TTPAL: variants seen among roughly 807,000 people sequenced by gnomAD.
TTPAL encodes alpha-tocopherol transfer protein-like.
A neutral mutation model predicts 28.7 loss-of-function variants in TTPAL; 21 were observed. That is an observed-to-expected ratio of 0.73 (90% CI 0.52 to 1.06). The LOEUF (loss-of-function observed/expected upper bound fraction) is 1.06, where lower values mean the gene tolerates loss of function less well. Ranked by LOEUF, TTPAL falls within the 50% of genes least tolerant of loss-of-function variation. The probability of loss-of-function intolerance (pLI) is 0.00; values close to 1 mark genes in which losing one functional copy is unlikely to be tolerated. For synonymous variants in TTPAL, 169 were observed against 171.9 expected, an observed-to-expected ratio of 0.98 and a Z score of 0.13; for missense variants, 345 against 425.5, an observed-to-expected ratio of 0.81 and a Z score of 1.67.
rs749860840 is a variant in TTPAL, at chr20:44,491,075, C to CAAAAAAA, written c.*1552_*1558dup. 1.8e-4 allele frequency: 10 copies of CAAAAAAA among 56,008 alleles called. No homozygotes were observed. Among genetic ancestry groups the CAAAAAAA allele is most frequent in the Non-Finnish European group, 3.4e-4 (10 of 29,512 alleles). The allele number at this position is 56,008 out of a possible 1,614,324, so 3.5% of individuals were successfully genotyped here. On this transcript the variant is annotated 3_prime_UTR_variant, in exon 5 of 5. Coordinates refer to ENST00000262605, the MANE Select transcript of TTPAL (RefSeq NM_001039199.3). ...TGGGCGACAGAGCAAGACTCTGCCT[C>CAAAAAAA]AAAAAAAAAAAAAAAAAAAAAAAAT...
At chr20:44,477,370 G>C (rs1044016531) in intron 1 of TTPAL, among the ~76,000 whole-genome samples, 2 of 152,168 alleles carry the variant, frequency 1.3e-5, no homozygotes, top group African/African-American at 4.8e-5. Context: ...CACCATGTTA[G>C]GCGCTGGGTT....
In TTPAL at chr20:44,489,267, T is replaced by C; in HGVS notation, c.755T>C (p.Phe252Ser). ...FLKEKIANRF[F>S]LHGSDLNSLH... ...TTTCATTTCATTCCCTTTTAGTTCT[T>C]CCTCCATGGGTCTGACTTGAACTCT... The change falls in exon 5 of 5, where the codon TTC (phenylalanine) becomes TCC (serine). Residue 252 changes from phenylalanine to serine, a missense_variant. Coordinates refer to ENST00000262605, the MANE Select transcript of TTPAL (RefSeq NM_001039199.3). 6.2e-7 allele frequency: 1 copy of C among 1,611,504 alleles called. No homozygotes were observed. Among genetic ancestry groups the C allele is most frequent in the Non-Finnish European group, 8.5e-7 (1 of 1,177,832 alleles).
intron 1 of TTPAL, among the ~76,000 whole-genome samples, chr20:44,476,464 C>T (rs1378418949): frequency 6.6e-6 from 1 of 152,198 alleles, no homozygotes; most frequent in Non-Finnish European, 1.5e-5. Flanking sequence ...CCTTGCTCTG[C>T]CTCACCGGGT....
At chr20:44,481,282 T>A (rs1039245145) in intron 2 of TTPAL, among the ~76,000 whole-genome samples, 1 of 152,186 alleles carries the variant, frequency 6.6e-6, no homozygotes, top group Admixed American at 6.5e-5. Context: ...CAGCAGCTCA[T>A]ACCTGTAATC....
intron 4 of TTPAL, among the ~76,000 whole-genome samples, chr20:44,487,555 T>C (rs754743734): frequency 6.6e-6 from 1 of 152,186 alleles, no homozygotes; most frequent in Admixed American, 6.5e-5. Context: ...ACTGTACAGT[T>C]TGTGGAGCAA....
chr20:44,477,399 A>C (rs2064054015), intron 1 of TTPAL, among the ~76,000 whole-genome samples: 1 of 152,194 alleles, frequency 6.6e-6, no homozygotes, highest in African/African-American at 2.4e-5. Context: ...TGAACAAGAC[A>C]AACTTGGATG....
At chr20:44,482,094 G>A (rs8124002) in intron 2 of TTPAL, among the ~76,000 whole-genome samples, 10,982 of 152,144 alleles carry the variant, frequency 0.072, 424 homozygotes, top group South Asian at 0.14. Flanking sequence ...ACACAGAAAG[G>A]TTTCTTCTCA....
chr20:44,487,957 T>G (rs575320671), intron 4 of TTPAL, among the ~76,000 whole-genome samples: 2 of 152,262 alleles, frequency 1.3e-5, no homozygotes, highest in Non-Finnish European at 2.9e-5. Context: ...TTAGTAGAGA[T>G]AGGCTTTTAC....
intron 1 of TTPAL, among the ~76,000 whole-genome samples, chr20:44,478,116 C>A (rs1055922270): frequency 2.6e-5 from 4 of 152,198 alleles, no homozygotes; most frequent in African/African-American, 9.6e-5. Context: ...AAGACCCTGT[C>A]TCTCTCTTAA....
intron 3 of TTPAL, 110 bp downstream of exon 3, chr20:44,484,640 C>A: frequency 1.3e-6 from 1 of 756,248 alleles, no homozygotes; most frequent in Non-Finnish European, 2.1e-6. Flanking sequence ...CCCACACCTG[C>A]AATCTGAAAA....
chr20:44,493,953 G>C lies in TTPAL; in HGVS notation c.*4412G>C, dbSNP rs553487812. ...CTTGGGAGGCTGAGGCAGGAGAATC[G>C]CTTGAACCTGGGAGGCAGCGGTTGC... On this transcript the variant is annotated 3_prime_UTR_variant, in exon 5 of 5. Coordinates refer to ENST00000262605, the MANE Select transcript of TTPAL (RefSeq NM_001039199.3). The C allele has an allele frequency of 6.6e-6, 1 of 152,426 alleles. No homozygotes were observed. The highest frequency in any genetic ancestry group is 1.5e-5 in the Non-Finnish European group (1 of 68,268). 9.4% of individuals were successfully genotyped at this position (152,426 alleles called of 1,614,324 possible). A position where few individuals can be genotyped will look rare whatever the true frequency, so the allele number is the denominator to read the frequency against.
chr20:44,483,703 G>A lies in TTPAL; in HGVS notation c.446-634G>A, dbSNP rs73613501. On this transcript the variant is annotated intron_variant, in intron 2 of 4. Coordinates refer to ENST00000262605, the MANE Select transcript of TTPAL (RefSeq NM_001039199.3). ...CATTATCACCCTATTCTACTTATGA[G>A]GACATCGGGGCTCAGAGTGAGGTAT... is the stretch of plus-strand genomic sequence containing the variant. 7.1e-3 allele frequency among the ~76,000 whole-genome samples: 1,085 copies of A among 152,300 alleles called. 10 individuals carry two copies. The highest frequency in any genetic ancestry group is 0.062 in the East Asian group (323 of 5,182).
In TTPAL at chr20:44,489,428, C is replaced by T; in HGVS notation, c.916C>T (p.Pro306Ser). 1.9e-6 allele frequency: 3 copies of T among 1,614,162 alleles called. No homozygotes were observed. The highest frequency in any genetic ancestry group is 2.2e-5 in the South Asian group (2 of 91,072). Residue 306 changes from proline (P) to serine (S), a missense_variant, in exon 5 of 5, where the codon CCT becomes TCT. Pro to Ser is a moderately conservative substitution (Grantham distance 74, BLOSUM62 -1). Coordinates refer to ENST00000262605, the MANE Select transcript of TTPAL (RefSeq NM_001039199.3). Reference sequence around the variant, plus strand: ...TGTGAAAGAGTTCTGCCAACCTGTTCCTGCCTGTGACAGCATCCTGGGCCA... The same window carrying T: ...TGTGAAAGAGTTCTGCCAACCTGTTTCTGCCTGTGACAGCATCCTGGGCCA... ...DFVKEFCQPV[P>S]ACDSILGQTL...
chr20:44,477,805 C>A (rs1027420388), intron 1 of TTPAL, among the ~76,000 whole-genome samples: 1 of 152,104 alleles, frequency 6.6e-6, no homozygotes, highest in African/African-American at 2.4e-5. Flanking sequence ...CAGGCCCGCA[C>A]CACCATGCCT....
rs1185728128 is a variant in TTPAL, at chr20:44,480,490, C to T, written c.445+46C>T. On this transcript the variant is annotated intron_variant, in intron 2 of 4. Coordinates refer to ENST00000262605, the MANE Select transcript of TTPAL (RefSeq NM_001039199.3). This position sits in a 1 kb window ranked among gnomAD's most constrained non-coding sequence, Gnocchi z 4.1. ...GGGGTGTGTGTGTCCAGTCCTTCTG[C>T]AGTGTGTCCATTCAGCACCCTGTCC... 1 of 1,511,940 alleles carries T rather than the reference C, an allele frequency of 6.6e-7. No individual in the cohort carries two copies. Among genetic ancestry groups the T allele is most frequent in the Non-Finnish European group, 8.9e-7 (1 of 1,124,586 alleles). The allele number at this position is 1,511,940 out of a possible 1,614,324, so 93.7% of individuals were successfully genotyped here.
At chr20:44,479,939 TG>T in intron 1 of TTPAL, 45 bp from the exon 2 acceptor site, 1 of 1,520,418 alleles carries the variant, frequency 6.6e-7, no homozygotes, top group Non-Finnish European at 9.0e-7. Flanking sequence ...CCCTAGGATT[TG>T]AAATAAGCAC....
chr20:44,487,259 G>C (rs2064160323), intron 4 of TTPAL, among the ~76,000 whole-genome samples: 2 of 150,406 alleles, frequency 1.3e-5, no homozygotes, highest in Admixed American at 6.6e-5. Context: ...TCCAGCTTGG[G>C]CAACAGTGAG....
In TTPAL at chr20:44,486,794, TG is replaced by T. The variant is rs1294392762; in HGVS notation, c.750+90del. On this transcript the variant is annotated intron_variant, in intron 4 of 4. Coordinates refer to ENST00000262605, the MANE Select transcript of TTPAL (RefSeq NM_001039199.3). The stretch of plus-strand genomic sequence containing the variant: ...TGGTACTTGTTTATTATTTTTGCCC[TG>T]GAACAACTAATTTGGAAAAGTACAG... 8.2e-6 allele frequency: 6 copies of T among 736,178 alleles called. No individual in the cohort carries two copies. In the East Asian group the frequency reaches 1.4e-4, roughly 17 times the overall value. 45.6% of individuals were successfully genotyped at this position (736,178 alleles called of 1,614,324 possible).
rs557680387 is a variant in TTPAL at position 44,489,251 on chromosome 20, A to T, written c.751-12A>T. ...CTAAGGACATGTGTGTTTTCATTTC[A>T]TTCCCTTTTAGTTCTTCCTCCATGG... On this transcript the variant is annotated splice_polypyrimidine_tract_variant and intron_variant, in intron 4 of 4. Transcript: ENST00000262605. 307 of 1,606,874 alleles carry T rather than the reference A, an allele frequency of 1.9e-4. 3 individuals carry two copies. In the South Asian group the frequency reaches 3.3e-3, roughly 17 times the overall value.
Sources: gnomAD v4.1 joint callset for allele counts (sites outside exome capture counted in the v4.1 genomes callset) on GRCh38, gnomAD v4.1.1 for gene constraint, Gnocchi (gnomAD v3.1) non-coding constraint, MANE v1.5 for transcripts, NCBI Gene and HGNC (gene_info 2026-07-23, HGNC 2026-07-21) for gene names.